Variants in CTTNBP2 observed in about 807,000 individuals in gnomAD.
The protein encoded by CTTNBP2 is cortactin binding protein 2, also known as cortactin-binding protein 2.
In CTTNBP2, 108 loss-of-function variants were observed where a neutral mutation model predicts 156.9. The ratio of observed to expected loss-of-function variants is 0.69; its 90% CI spans 0.59 to 0.81. CTTNBP2 has a LOEUF of 0.81. Ranked by LOEUF, CTTNBP2 falls within the 30% of genes least tolerant of loss-of-function variation. CTTNBP2 has a pLI of 0.00. For missense variants in CTTNBP2, 1,924 were observed against 2,035.4 expected (o/e 0.95, Z 1.05); for synonymous variants, 767 against 751.8 (o/e 1.02, Z -0.33).
chr7:117,765,156 G>A (rs544797506), intron 9 of CTTNBP2, among the ~76,000 whole-genome samples: 2 of 152,154 alleles, frequency 1.3e-5, no homozygotes, highest in South Asian at 2.1e-4. Flanking sequence ...GGCTGGTCTC[G>A]AACTCCCGAC....
chr7:117,794,877 CTTTTTTTTTTTT>C (rs755340586), intron 3 of CTTNBP2, among the ~76,000 whole-genome samples: 1 of 88,322 alleles, frequency 1.1e-5, no homozygotes, highest in East Asian at 3.0e-4. Flanking sequence ...ATATGTATAT[CTTTTTTTTTTTT>C]TTTTTTTTTT....
intron 2 of CTTNBP2, among the ~76,000 whole-genome samples, chr7:117,854,969 G>A (rs571775671): frequency 6.6e-6 from 1 of 152,174 alleles, no homozygotes; most frequent in East Asian, 1.9e-4. Context: ...ACTTTTAGTA[G>A]AGATAGGGTT....
intron 2 of CTTNBP2, among the ~76,000 whole-genome samples, chr7:117,839,969 A>C (rs1802176770): frequency 6.6e-6 from 1 of 152,242 alleles, no homozygotes; most frequent in African/African-American, 2.4e-5. Flanking sequence ...CTGATTTTGA[A>C]AGATTCACTA....
chr7:117,864,797 C>CAATA (rs766176284), intron 1 of CTTNBP2, among the ~76,000 whole-genome samples: 3,294 of 79,496 alleles, frequency 0.041, 2 homozygotes, highest in South Asian at 0.065. Context: ...TATATTCATT[C>CAATA]TATATTCATA....
intron 3 of CTTNBP2, chr7:117,793,442 C>T (rs34150886): frequency 0.1 from 15,398 of 152,348 alleles, 1,162 homozygotes; most frequent in African/African-American, 0.21. Context: ...CTGCTTACTC[C>T]CTTAGCTTCG....
chr7:117,813,212 C>A (rs6964300), intron 2 of CTTNBP2, among the ~76,000 whole-genome samples: 20 of 151,950 alleles, frequency 1.3e-4, no homozygotes, highest in Admixed American at 5.9e-4. Context: ...AGGAACACCC[C>A]CTTTTGCACT....
intron 8 of CTTNBP2, among the ~76,000 whole-genome samples, chr7:117,771,150 G>A (rs1797776684): frequency 1.3e-5 from 2 of 152,104 alleles, no homozygotes; most frequent in African/African-American, 4.8e-5. Flanking sequence ...GGACAGAGGA[G>A]AGGTTGAGGG....
rs1318065332 is a variant in CTTNBP2, at chr7:117,780,923, TGATA to T, written c.2373-336_2373-333del. 2.0e-5 allele frequency among the ~76,000 whole-genome samples: 3 copies of T among 152,374 alleles called. No individual in the cohort carries two copies. In the East Asian group the frequency reaches 5.8e-4, roughly 29 times the overall value. ...CTGGGATGAACGGTTTAACTGTACT[TGATA>T]AATATATATTATTTTGGTTCGAAAT... On this transcript the variant is annotated intron_variant, in intron 6 of 22. Transcript: ENST00000160373.
chr7:117,746,197 T>A, intron 12 of CTTNBP2, 98 bp from the exon 13 acceptor site: 1 of 773,130 alleles, frequency 1.3e-6, no homozygotes, highest in South Asian at 1.6e-5. Context: ...ATTGTCCTCA[T>A]ACTTTCAAAA....
chr7:117,762,962 C>A (rs538046735), intron 9 of CTTNBP2, among the ~76,000 whole-genome samples: 1 of 152,182 alleles, frequency 6.6e-6, no homozygotes, highest in Non-Finnish European at 1.5e-5. Flanking sequence ...CCTTAGATAT[C>A]CACATAGCTG....
At chr7:117,731,072 GA>G (rs1212981027) in intron 16 of CTTNBP2, among the ~76,000 whole-genome samples, 2 of 152,154 alleles carry the variant, frequency 1.3e-5, no homozygotes, top group Non-Finnish European at 2.9e-5. Flanking sequence ...AGGCTATTAA[GA>G]GATCATTTGA....
At chr7:117,766,981 T>C (rs1220291029) in intron 9 of CTTNBP2, 78 bp downstream of exon 9, 5 of 823,764 alleles carry the variant, frequency 6.1e-6, no homozygotes, top group African/African-American at 1.7e-5. Context: ...GCAAAAGATG[T>C]AAATAGTTTT....
chr7:117,777,081 G>C (rs1798145250), intron 8 of CTTNBP2, among the ~76,000 whole-genome samples: 1 of 152,156 alleles, frequency 6.6e-6, no homozygotes, highest in African/African-American at 2.4e-5. Flanking sequence ...ATATCGGTAA[G>C]AAAGCACAGT....
rs749679861 is a variant in CTTNBP2 at position 117,791,557 on chromosome 7, G to A, written c.1639C>T (p.Pro547Ser). 3 of 1,614,042 alleles carry A rather than the reference G, an allele frequency of 1.9e-6. No homozygotes were observed. The highest frequency in any genetic ancestry group is 1.3e-5 in the African/African-American group (1 of 74,916). ...VDRGNPPPIP[P>S]KKPGLSQTPS... ...GTTTGGGAGAGCCCTGGCTTTTTTG[G>A]AGGGATAGGAGGAGGATTTCCTCTG... is the stretch of plus-strand genomic sequence containing the variant. The change falls in exon 4 of 23, where the codon CCA (proline) becomes TCA (serine). Residue 547 changes from proline to serine, a missense_variant. Physicochemically the swap from Pro to Ser is moderately conservative, Grantham distance 74. Coordinates refer to ENST00000160373, the MANE Select transcript of CTTNBP2 (RefSeq NM_033427.3).
intron 2 of CTTNBP2, among the ~76,000 whole-genome samples, chr7:117,827,351 A>T (rs1801345524): frequency 6.6e-6 from 1 of 152,158 alleles, no homozygotes; most frequent in Non-Finnish European, 1.5e-5. Context: ...CTGTTTTGGA[A>T]ATTTTCAAAC....
chr7:117,711,610 T>C lies in CTTNBP2; in HGVS notation c.4919A>G (p.Glu1640Gly), dbSNP rs545234918. 1 of 1,614,058 alleles carries C rather than the reference T, an allele frequency of 6.2e-7. No homozygotes were observed. The highest frequency in any genetic ancestry group is 1.3e-5 in the African/African-American group (1 of 75,052). Residue 1640 changes from glutamate to glycine, a missense_variant, in exon 23 of 23, where the codon GAA (glutamate) becomes GGA (glycine). Glu to Gly is a moderately conservative substitution (Grantham distance 98). Coordinates refer to ENST00000160373, the MANE Select transcript of CTTNBP2 (RefSeq NM_033427.3). ...SSSSSNTRQI[E>G]INNNSKEVNW... The stretch of plus-strand genomic sequence containing the variant: ...CACTTCTTTTGAGTTGTTGTTGATT[T>C]CTATTTGCCTTGTATTACTGCTGCT...
At chr7:117,745,735 A>G in intron 14 of CTTNBP2, 96 bp downstream of exon 14, 2 of 787,528 alleles carry the variant, frequency 2.5e-6, no homozygotes, top group East Asian at 5.1e-5. Context: ...GTTATCTTAA[A>G]TGTATCCCCA....
intron 21 of CTTNBP2, among the ~76,000 whole-genome samples, chr7:117,719,007 A>C (rs1794624494): frequency 6.6e-6 from 1 of 151,982 alleles, no homozygotes; most frequent in Non-Finnish European, 1.5e-5. Flanking sequence ...GACCAGCCTG[A>C]CCAACATGGC....
chr7:117,865,458 C>A, intron 1 of CTTNBP2, among the ~76,000 whole-genome samples: 1 of 149,974 alleles, frequency 6.7e-6, no homozygotes, highest in Non-Finnish European at 1.5e-5. Context: ...CTCAGGAGTT[C>A]AAGACCAGCC....
Sources: gnomAD v4.1 joint callset for allele counts (sites outside exome capture counted in the v4.1 genomes callset) on GRCh38, gnomAD v4.1.1 for gene constraint, MANE v1.5 for transcripts, NCBI Gene and HGNC (gene_info 2026-07-23, HGNC 2026-07-21) for gene names.